The following ROBO1 variants were observed in gnomAD, a reference collection of about 807,000 sequenced individuals.
ROBO1 encodes the protein roundabout guidance receptor 1, also known as roundabout homolog 1.
In ROBO1, 149 loss-of-function variants were observed where a neutral mutation model predicts 195.9. The observed-to-expected ratio is 0.76, with a 90% CI of 0.67 to 0.87. The LOEUF (loss-of-function observed/expected upper bound fraction) is 0.87, where lower values mean the gene tolerates loss of function less well. ROBO1 is among the 40% of genes least tolerant of loss of function. The probability of loss-of-function intolerance (pLI) is 0.00; values close to 1 mark genes in which losing one functional copy is unlikely to be tolerated. For synonymous variants in ROBO1, 816 were observed against 733.2 expected (o/e 1.11, Z -1.82); for missense variants, 1,933 against 2,068.3 (o/e 0.93, Z 1.27).
intron 4 of ROBO1, among the ~76,000 whole-genome samples, chr3:78,850,173 G>T (rs2033962455): frequency 6.6e-6 from 1 of 152,120 alleles, no homozygotes; most frequent in African/African-American, 2.4e-5. Flanking sequence ...ATCACTGGAT[G>T]ACACCTTTGT....
At chr3:79,731,392 T>C (rs1703143948) in intron 1 of ROBO1, among the ~76,000 whole-genome samples, 1 of 152,126 alleles carries the variant, frequency 6.6e-6, no homozygotes, top group Admixed American at 6.5e-5. Context: ...GATCTATGTA[T>C]GGACTCAAAT....
chr3:78,664,228 T>C (rs1285945017), intron 14 of ROBO1, among the ~76,000 whole-genome samples: 1 of 152,202 alleles, frequency 6.6e-6, no homozygotes, highest in East Asian at 1.9e-4. Context: ...CATTCAGAAT[T>C]AGACTTAAAG....
chr3:78,846,882 G>A (rs980395364), intron 4 of ROBO1, among the ~76,000 whole-genome samples: 6 of 152,078 alleles, frequency 3.9e-5, no homozygotes, highest in African/African-American at 1.4e-4. Flanking sequence ...TTGAGTTATG[G>A]GAAGGCCATA....
intron 4 of ROBO1, among the ~76,000 whole-genome samples, chr3:78,852,574 A>G (rs1342715621): frequency 1.3e-5 from 2 of 152,134 alleles, no homozygotes; most frequent in Admixed American, 1.3e-4. Flanking sequence ...CCCAGTGTTT[A>G]ATCCTTTGTC....
chr3:79,549,049 G>A (rs1175843222), intron 2 of ROBO1, among the ~76,000 whole-genome samples: 3 of 152,100 alleles, frequency 2.0e-5, no homozygotes, highest in Non-Finnish European at 4.4e-5. Context: ...GTGCACTTTA[G>A]GTAGGATTTC....
At chr3:78,786,830 G>A (rs372254647) in intron 4 of ROBO1, among the ~76,000 whole-genome samples, 6 of 152,134 alleles carry the variant, frequency 3.9e-5, no homozygotes, top group African/African-American at 1.4e-4. Flanking sequence ...CCAGTCTCAG[G>A]TATTTCTTCA....
chr3:79,237,278 C>G (rs1052886446), intron 2 of ROBO1, among the ~76,000 whole-genome samples: 1 of 151,948 alleles, frequency 6.6e-6, no homozygotes, highest in African/African-American at 2.4e-5. Context: ...GTCAGGAGAT[C>G]GAGACCATCC....
intron 3 of ROBO1, among the ~76,000 whole-genome samples, chr3:79,013,406 T>TTAGATGTAAAGATG (rs1270822476): frequency 9.9e-5 from 15 of 152,118 alleles, no homozygotes; most frequent in Admixed American, 2.0e-4. Flanking sequence ...TGTGAACTGG[T>TTAGATGTAAAGATG]TAGATGATGT....
chr3:79,611,429 T>C (rs1348991595), intron 1 of ROBO1, among the ~76,000 whole-genome samples: 1 of 151,944 alleles, frequency 6.6e-6, no homozygotes, highest in African/African-American at 2.4e-5. Context: ...TTAATGAAAA[T>C]GGTATTTGGA....
chr3:79,228,865 T>C (rs1263886813), intron 2 of ROBO1, among the ~76,000 whole-genome samples: 4 of 152,140 alleles, frequency 2.6e-5, no homozygotes, highest in African/African-American at 9.7e-5. Context: ...CAATACCAAG[T>C]AATTTCATTT....
chr3:79,726,755 A>G (rs369342620), intron 1 of ROBO1, among the ~76,000 whole-genome samples: 6 of 152,342 alleles, frequency 3.9e-5, no homozygotes, highest in Admixed American at 2.6e-4. Flanking sequence ...GCGAAAAAAT[A>G]CATTTTTCAA....
chr3:78,659,274 A>G (rs1707231305), intron 17 of ROBO1, among the ~76,000 whole-genome samples: 1 of 152,176 alleles, frequency 6.6e-6, no homozygotes, highest in African/African-American at 2.4e-5. Flanking sequence ...TTTAAAAAAT[A>G]CACTGTTCAT....
rs566767617 is a variant in ROBO1, at chr3:78,893,771, TA to T, written c.499+44829del. On this transcript the variant is annotated intron_variant, in intron 4 of 30. Transcript: ENST00000464233. ...CATAAAAGTAGATGCTTTTCCACAG[TA>T]AAAAAAAATTGATTTCTATAAAGAC... Among the ~76,000 whole-genome samples, 892 of 151,524 alleles carry T rather than the reference TA, an allele frequency of 5.9e-3. 5 individuals are homozygous for T. The highest frequency in any genetic ancestry group is 9.6e-3 in the Non-Finnish European group (653 of 67,840).
intron 2 of ROBO1, among the ~76,000 whole-genome samples, chr3:79,196,944 T>A (rs1009234096): frequency 1.3e-5 from 2 of 151,782 alleles, no homozygotes; most frequent in Non-Finnish European, 2.9e-5. Flanking sequence ...TTAAATATCC[T>A]TAATCTGGTG....
intron 2 of ROBO1, among the ~76,000 whole-genome samples, chr3:79,577,833 A>G (rs1050683940): frequency 2.0e-5 from 3 of 151,650 alleles, no homozygotes; most frequent in Middle Eastern, 3.4e-3. Context: ...AATCGCTTGA[A>G]CTCGGGAGGC....
chr3:79,194,548 A>T (rs1306644339), intron 2 of ROBO1, among the ~76,000 whole-genome samples: 2 of 151,662 alleles, frequency 1.3e-5, no homozygotes, highest in Non-Finnish European at 3.0e-5. Flanking sequence ...TCAACCTTCA[A>T]GAGTTGTTAA....
intron 26 of ROBO1, 86 bp from the exon 27 acceptor site, chr3:78,618,127 C>A (rs1478822807): frequency 2.6e-5 from 35 of 1,361,618 alleles, no homozygotes; most frequent in Non-Finnish European, 3.4e-5. Flanking sequence ...CACAAGCATG[C>A]AGATTTGACC....
intron 1 of ROBO1, among the ~76,000 whole-genome samples, chr3:79,616,994 C>T (rs960112735): frequency 1.3e-5 from 2 of 152,178 alleles, no homozygotes; most frequent in South Asian, 2.1e-4. Flanking sequence ...CAAGCATTTT[C>T]CATGGACTTC....
chr3:78,884,672 G>A (rs366233), intron 4 of ROBO1, among the ~76,000 whole-genome samples: 33,645 of 133,994 alleles, frequency 0.25, 4,735 homozygotes, highest in Non-Finnish European at 0.29. Context: ...AGGAAGGAAG[G>A]AAGGAAGGAA....
Sources: allele counts gnomAD v4.1 joint callset (sites outside exome capture counted in the v4.1 genomes callset), GRCh38; gene constraint gnomAD v4.1.1; transcripts MANE v1.5; gene names NCBI Gene and HGNC (gene_info 2026-07-23, HGNC 2026-07-21).